The following CNTLN variants were observed in gnomAD, a reference collection of about 807,000 sequenced individuals.
CNTLN encodes centlein, centrosomal protein.
In CNTLN, 212 loss-of-function variants were observed where a neutral mutation model predicts 180.0. The observed-to-expected ratio is 1.18, with a 90% confidence interval of 1.05 to 1.32. The LOEUF (loss-of-function observed/expected upper bound fraction) is 1.32. CNTLN is among the 40% of genes most tolerant of loss of function. The pLI, the probability that CNTLN is intolerant of heterozygous loss-of-function variation, is 0.00. For missense variants in CNTLN, 2,095 were observed against 1,610.9 expected (o/e 1.30, Z -5.14); for synonymous variants, 722 against 563.1 (o/e 1.28, Z -3.99).
chr9:17,501,612 G>T (rs368509367), intron 25 of CNTLN, among the ~76,000 whole-genome samples: 34 of 152,328 alleles, frequency 2.2e-4, no homozygotes, highest in African/African-American at 7.0e-4. Context: ...CACAAAAATG[G>T]GCCTGATGCT....
Position 17,458,726 on chromosome 9 carries a change from C to G in CNTLN, c.3306+1011C>G, listed in dbSNP as rs369616608. The stretch of plus-strand genomic sequence containing the variant: ...AATAATTTGCTTTATTAATAGTAAC[C>G]AAATATACAAACTAGCATTGGGATT... On this transcript the variant is annotated intron_variant, in intron 19 of 25. Coordinates refer to ENST00000380647, the MANE Select transcript of CNTLN (RefSeq NM_017738.4). Among the ~76,000 whole-genome samples, 118 of 151,830 alleles carry G rather than the reference C, an allele frequency of 7.8e-4. 1 individual carries two copies. The highest frequency in any genetic ancestry group is 2.7e-3 in the African/African-American group (113 of 41,468).
chr9:17,361,229 A>G (rs770518101), intron 12 of CNTLN, among the ~76,000 whole-genome samples: 3 of 152,004 alleles, frequency 2.0e-5, no homozygotes, highest in Non-Finnish European at 2.9e-5. Flanking sequence ...ACCCCACAAC[A>G]GTCCCCAGTG....
intron 12 of CNTLN, among the ~76,000 whole-genome samples, chr9:17,354,533 G>T (rs1822659385): frequency 6.6e-6 from 1 of 152,150 alleles, no homozygotes. Flanking sequence ...CAAGGTTTGT[G>T]AGTGCACCAA....
chr9:17,215,846 T>C (rs1472755118), intron 2 of CNTLN, among the ~76,000 whole-genome samples: 10 of 152,156 alleles, frequency 6.6e-5, no homozygotes, highest in Admixed American at 5.9e-4. Flanking sequence ...TGGGACCCTC[T>C]GAGCCAGGCG....
chr9:17,292,641 CA>C (rs1829490763), intron 6 of CNTLN, among the ~76,000 whole-genome samples: 1 of 152,060 alleles, frequency 6.6e-6, no homozygotes, highest in South Asian at 2.1e-4. Flanking sequence ...TTGTGTTTTT[CA>C]ACTCCATTAG....
intron 1 of CNTLN, 42 bp downstream of exon 1, chr9:17,135,467 G>A: frequency 6.4e-7 from 1 of 1,558,346 alleles, no homozygotes; most frequent in Non-Finnish European, 8.7e-7. Flanking sequence ...CACCACAGCG[G>A]GGCCGGGACC....
At chr9:17,235,610 T>A (rs1274610849) in intron 3 of CNTLN, 48 bp from the exon 4 acceptor site, 4 of 1,418,266 alleles carry the variant, frequency 2.8e-6, no homozygotes, top group South Asian at 2.6e-5. Flanking sequence ...AAAATACTGT[T>A]TTTCTTAGAA....
intron 2 of CNTLN, among the ~76,000 whole-genome samples, chr9:17,192,393 C>T (rs145249282): frequency 0.02 from 3,071 of 152,124 alleles, 100 homozygotes; most frequent in African/African-American, 0.07. Context: ...CGCCTGCCAC[C>T]GTGCCCGGCT....
intron 13 of CNTLN, among the ~76,000 whole-genome samples, chr9:17,368,557 C>T (rs1183487138): frequency 6.6e-6 from 1 of 152,196 alleles, no homozygotes; most frequent in Non-Finnish European, 1.5e-5. Context: ...CAGGGATATA[C>T]TGGTGTCAGT....
At chr9:17,440,307 C>T (rs1830027159) in intron 18 of CNTLN, among the ~76,000 whole-genome samples, 1 of 151,638 alleles carries the variant, frequency 6.6e-6, no homozygotes, top group African/African-American at 2.4e-5. Context: ...GGCATGGTGG[C>T]TCAAGCCTGT....
At chr9:17,449,170 G>C (rs1439590055) in intron 18 of CNTLN, among the ~76,000 whole-genome samples, 2 of 152,086 alleles carry the variant, frequency 1.3e-5, no homozygotes, top group Non-Finnish European at 2.9e-5. Flanking sequence ...TATACTTTTG[G>C]TTCCCATTAT....
chr9:17,179,040 C>G (rs993310143), intron 2 of CNTLN, among the ~76,000 whole-genome samples: 1 of 151,138 alleles, frequency 6.6e-6, no homozygotes, highest in Non-Finnish European at 1.5e-5. Context: ...GTCAGGAGAT[C>G]GAGACCATCC....
chr9:17,341,651 A>C (rs115426163), intron 11 of CNTLN, among the ~76,000 whole-genome samples: 1 of 152,202 alleles, frequency 6.6e-6, no homozygotes, highest in Non-Finnish European at 1.5e-5. Context: ...TCTGTAGAGA[A>C]ATACTGTTTC....
chr9:17,494,815 A>T (rs1011333175), intron 25 of CNTLN: 2 of 384,438 alleles, frequency 5.2e-6, no homozygotes, highest in Non-Finnish European at 1.0e-5. Context: ...TATGTACTGC[A>T]CATAATACTC....
At chr9:17,254,830 A>G (rs967941136) in intron 5 of CNTLN, among the ~76,000 whole-genome samples, 1 of 151,646 alleles carries the variant, frequency 6.6e-6, no homozygotes, top group Non-Finnish European at 1.5e-5. Context: ...AAAAAGTGTC[A>G]TTGGGATATT....
At chr9:17,361,501 G>A (rs1823388094) in intron 12 of CNTLN, among the ~76,000 whole-genome samples, 1 of 152,108 alleles carries the variant, frequency 6.6e-6, no homozygotes, top group African/African-American at 2.4e-5. Flanking sequence ...TCTTTGCCTG[G>A]CCTTGTTGTG....
intron 2 of CNTLN, among the ~76,000 whole-genome samples, chr9:17,147,262 C>G (rs1186529145): frequency 6.6e-6 from 1 of 152,122 alleles, no homozygotes; most frequent in Non-Finnish European, 1.5e-5. Context: ...TGTTGCTTGC[C>G]CAACACTCTG....
intron 6 of CNTLN, among the ~76,000 whole-genome samples, chr9:17,286,613 C>T (rs1311087873): frequency 4.4e-5 from 6 of 135,826 alleles, no homozygotes; most frequent in East Asian, 2.2e-4. Flanking sequence ...GCCATTTTCA[C>T]GATATTGATT....
At chr9:17,432,567 A>T (rs1022622712) in intron 18 of CNTLN, among the ~76,000 whole-genome samples, 1 of 152,206 alleles carries the variant, frequency 6.6e-6, no homozygotes, top group African/African-American at 2.4e-5. Context: ...GAAGGATGGG[A>T]GATTAAATGG....
Sources: allele counts gnomAD v4.1 joint callset (sites outside exome capture counted in the v4.1 genomes callset), GRCh38; gene constraint gnomAD v4.1.1; transcripts MANE v1.5; gene names NCBI Gene and HGNC (gene_info 2026-07-23, HGNC 2026-07-21).